The following ALPK2 variants were observed in gnomAD, a reference collection of about 807,000 sequenced individuals.
ALPK2 encodes the protein alpha kinase 2.
A neutral mutation model predicts 163.1 loss-of-function variants in ALPK2; 127 were observed. The observed-to-expected ratio is 0.78, with a 90% CI of 0.67 to 0.90. The LOEUF is 0.90. Ranked by LOEUF, ALPK2 falls within the 40% of genes least tolerant of loss-of-function variation. The pLI is 0.00. For missense variants in ALPK2, 2,360 were observed against 2,589.6 expected (o/e 0.91, Z 1.92); for synonymous variants, 953 against 959.1 (o/e 0.99, Z 0.12).
chr18:58,503,001 C>G (rs1031420681), intron 11 of ALPK2, among the ~76,000 whole-genome samples: 1 of 152,230 alleles, frequency 6.6e-6, no homozygotes, highest in African/African-American at 2.4e-5. Context: ...ATATACTCTA[C>G]CAGTCGCCTT....
chr18:58,555,007 T>C (rs115215569), intron 4 of ALPK2, among the ~76,000 whole-genome samples: 87 of 152,344 alleles, frequency 5.7e-4, no homozygotes, highest in African/African-American at 2.0e-3. Context: ...CCTTCTGCCA[T>C]AATTGTGAGG....
intron 4 of ALPK2, among the ~76,000 whole-genome samples, chr18:58,548,332 T>G (rs376310516): frequency 5.5e-4 from 84 of 151,840 alleles, no homozygotes; most frequent in African/African-American, 1.5e-3. Flanking sequence ...GTTTTGTTTT[T>G]TTTTTTTCTT....
At position 58,515,090 on chromosome 18, in the gene ALPK2, C is replaced by G. The variant is rs2144124365; in HGVS notation, c.5941-9G>C. On this transcript the variant is annotated splice_polypyrimidine_tract_variant and intron_variant, in intron 9 of 12. Transcript: ENST00000361673. ...TTTTGAACATAGCATTCCTATATCG[C>G]CAAAATACATAGAAAGCCCCAGTGA... 1 of 1,603,542 alleles carries G rather than the reference C, an allele frequency of 6.2e-7. No individual in the cohort carries two copies. Among genetic ancestry groups the G allele is most frequent in the Middle Eastern group, 1.7e-4 (1 of 6,032 alleles).
intron 4 of ALPK2, among the ~76,000 whole-genome samples, chr18:58,558,100 G>A (rs951682411): frequency 1.3e-5 from 2 of 152,180 alleles, no homozygotes; most frequent in East Asian, 1.9e-4. Flanking sequence ...TAATGTGCAT[G>A]TAAATTTAAA....
intron 3 of ALPK2, among the ~76,000 whole-genome samples, chr18:58,602,154 C>A (rs975896153): frequency 1.3e-5 from 2 of 152,214 alleles, no homozygotes; most frequent in Non-Finnish European, 2.9e-5. Context: ...GTTTTTGCCC[C>A]TTTGTCCCTA....
rs2051312334 is a variant in ALPK2 at position 58,481,766 on chromosome 18, T to C, written c.*57A>G. Reference sequence around the variant, plus strand: ...ATATTCTCTCCTGTGTGGCCTCAGATTTTCCCTGGCGAGATTGTGTGCTGC... The same window carrying C: ...ATATTCTCTCCTGTGTGGCCTCAGACTTTCCCTGGCGAGATTGTGTGCTGC... On this transcript the variant is annotated 3_prime_UTR_variant, in exon 13 of 13. Coordinates refer to ENST00000361673, the MANE Select transcript of ALPK2 (RefSeq NM_052947.4). 1 of 1,440,286 alleles carries C rather than the reference T, an allele frequency of 6.9e-7. No homozygotes were observed. The highest frequency in any genetic ancestry group is 1.4e-5 in the African/African-American group (1 of 70,554). The allele number at this position is 1,440,286 out of a possible 1,614,324, so 89.2% of individuals were successfully genotyped here.
At chr18:58,555,292 A>G (rs2051784407) in intron 4 of ALPK2, among the ~76,000 whole-genome samples, 1 of 152,240 alleles carries the variant, frequency 6.6e-6, no homozygotes, top group Non-Finnish European at 1.5e-5. Context: ...TCTTTAAAAT[A>G]TGTTAAAATT....
intron 1 of ALPK2, among the ~76,000 whole-genome samples, chr18:58,621,599 A>G (rs1444789280): frequency 2.2e-5 from 3 of 136,310 alleles, no homozygotes; most frequent in Admixed American, 7.0e-5. Context: ...GGCAAAGAAG[A>G]AGGAGGAGGA....
At chr18:58,610,682 C>G (rs59550801) in intron 2 of ALPK2, among the ~76,000 whole-genome samples, 4,636 of 152,274 alleles carry the variant, frequency 0.03, 210 homozygotes, top group African/African-American at 0.1. Context: ...TGGCTCACGC[C>G]TGTAATTCCA....
chr18:58,531,231 A>AG (rs1375180461), intron 5 of ALPK2, among the ~76,000 whole-genome samples: 2 of 152,160 alleles, frequency 1.3e-5, no homozygotes, highest in African/African-American at 4.8e-5. Context: ...AACATTACTT[A>AG]GGGTTTATTT....
chr18:58,513,778 G>A (rs1256703764), intron 10 of ALPK2, among the ~76,000 whole-genome samples: 1 of 152,120 alleles, frequency 6.6e-6, no homozygotes, highest in Non-Finnish European at 1.5e-5. Flanking sequence ...TACTTTGGAG[G>A]CTGGATCACT....
At chr18:58,518,597 A>G (rs1445737001) in intron 8 of ALPK2, among the ~76,000 whole-genome samples, 1 of 152,218 alleles carries the variant, frequency 6.6e-6, no homozygotes, top group Non-Finnish European at 1.5e-5. Flanking sequence ...CTATTTGCCT[A>G]AAATCAGGAC....
At chr18:58,573,750 T>C (rs2051904045) in intron 4 of ALPK2, among the ~76,000 whole-genome samples, 1 of 151,082 alleles carries the variant, frequency 6.6e-6, no homozygotes, top group African/African-American at 2.4e-5. Context: ...TATAAAACTT[T>C]TGTCCCAAGA....
At chr18:58,556,183 A>G (rs2051790159) in intron 4 of ALPK2, among the ~76,000 whole-genome samples, 1 of 152,036 alleles carries the variant, frequency 6.6e-6, no homozygotes, top group South Asian at 2.1e-4. Context: ...ACACACACAC[A>G]CACGCACACA....
chr18:58,498,128 T>A (rs751098109), intron 11 of ALPK2, 31 bp from the exon 12 acceptor site: 3 of 1,613,102 alleles, frequency 1.9e-6, no homozygotes, highest in South Asian at 2.2e-5. Flanking sequence ...GATGGGAGTT[T>A]GTGTTACTCA....
At chr18:58,519,896 G>A (rs966449512) in intron 8 of ALPK2, among the ~76,000 whole-genome samples, 1 of 152,218 alleles carries the variant, frequency 6.6e-6, no homozygotes, top group African/African-American at 2.4e-5. Context: ...CTCTTTTAAA[G>A]TGAGAGATGG....
intron 4 of ALPK2, among the ~76,000 whole-genome samples, chr18:58,554,190 A>G (rs4940411): frequency 0.42 from 64,503 of 151,934 alleles, 14,334 homozygotes; most frequent in African/African-American, 0.54. Context: ...GTATGAAAAC[A>G]GACTAATACA....
Position 58,607,355 on chromosome 18 carries a change from T to G in ALPK2, c.194A>C (p.Glu65Ala). The G allele has an allele frequency of 6.2e-7, 1 of 1,613,572 alleles. No homozygotes were observed. The highest frequency in any genetic ancestry group is 8.5e-7 in the Non-Finnish European group (1 of 1,179,762). The change falls in exon 3 of 13, where the codon GAG (glutamate) becomes GCG (alanine). Residue 65 changes from glutamate to alanine, a missense_variant. Physicochemically the swap from Glu to Ala is moderately radical, Grantham distance 107 (BLOSUM62 -1). Transcript: ENST00000361673. ...ATGTAACACATGAATATACTGATTC[T>G]CAAAGAATTCATAGTTGGAAATAAT... Reference protein sequence around the residue: ...SGIISNYEFFENQYIHVLHLS... With the variant: ...SGIISNYEFFANQYIHVLHLS...
chr18:58,611,226 C>T lies in ALPK2; in HGVS notation c.109+463G>A, dbSNP rs2052128906. On this transcript the variant is annotated intron_variant, in intron 2 of 12. Transcript: ENST00000361673. ...CCAGGAGGCGGGGGTGGCAGTGAGC[C>T]GAGATCACACCACTGCACTCCAGCC... 3.3e-5 allele frequency among the ~76,000 whole-genome samples: 5 copies of T among 149,398 alleles called. No homozygotes were observed. In the South Asian group the frequency reaches 1.1e-3, roughly 32 times the overall value.
Sources: gnomAD v4.1 joint callset for allele counts (sites outside exome capture counted in the v4.1 genomes callset) on GRCh38, gnomAD v4.1.1 for gene constraint, MANE v1.5 for transcripts, NCBI Gene and HGNC (gene_info 2026-07-23, HGNC 2026-07-21) for gene names.